The following MKX variants were observed in gnomAD, a reference collection of about 807,000 sequenced individuals.
MKX encodes mohawk homeobox.
MKX carries 13 observed loss-of-function variants against 36.0 expected under a neutral mutation model. That is an observed-to-expected ratio of 0.36 (90% CI 0.24 to 0.57). MKX has a LOEUF of 0.57. MKX is among the 20% of genes least tolerant of loss of function. MKX has a pLI of 0.79. For synonymous variants in MKX, 176 were observed against 178.3 expected (o/e 0.99, Z 0.10); for missense variants, 458 against 456.4 (o/e 1.00, Z -0.03).
chr10:27,686,488 C>T (rs1253862287), intron 5 of MKX, among the ~76,000 whole-genome samples: 5 of 151,974 alleles, frequency 3.3e-5, no homozygotes, highest in African/African-American at 4.8e-5. Context: ...AAAGTCTTTT[C>T]TTTCTTCTGA....
chr10:27,730,347 A>G (rs538342724), intron 5 of MKX, among the ~76,000 whole-genome samples: 3 of 152,256 alleles, frequency 2.0e-5, no homozygotes, highest in Admixed American at 6.5e-5. Context: ...AATATCTTCA[A>G]TTAGGATTAC....
At chr10:27,735,099 G>C (rs1834723975) in intron 4 of MKX, 122 bp downstream of exon 4, 2 of 871,518 alleles carry the variant, frequency 2.3e-6, no homozygotes, top group Non-Finnish European at 3.3e-6. Context: ...GTTACTTCAT[G>C]CAATAAAAAA....
intron 5 of MKX, among the ~76,000 whole-genome samples, chr10:27,727,469 A>G (rs552629343): frequency 1.3e-5 from 2 of 152,382 alleles, no homozygotes; most frequent in African/African-American, 4.8e-5. Flanking sequence ...TGAAGCCAGA[A>G]AGAAATGTAA....
At chr10:27,680,523 T>C (rs1056226195) in intron 5 of MKX, among the ~76,000 whole-genome samples, 5 of 152,130 alleles carry the variant, frequency 3.3e-5, no homozygotes, top group African/African-American at 4.8e-5. Flanking sequence ...TCAGTTCCAA[T>C]GCAACTTGAG....
At chr10:27,731,945 A>G (rs1437212207) in intron 5 of MKX, among the ~76,000 whole-genome samples, 1 of 152,202 alleles carries the variant, frequency 6.6e-6, no homozygotes, top group Non-Finnish European at 1.5e-5. Flanking sequence ...ATTTTAAAAT[A>G]AAAGATTACC....
chr10:27,717,672 T>A (rs1314104913), intron 5 of MKX, among the ~76,000 whole-genome samples: 2 of 152,198 alleles, frequency 1.3e-5, no homozygotes, highest in Non-Finnish European at 2.9e-5. Context: ...GAAAGCCTGG[T>A]GGAGGAGTAT....
chr10:27,676,741 G>A (rs181876709), intron 5 of MKX, among the ~76,000 whole-genome samples: 1 of 152,276 alleles, frequency 6.6e-6, no homozygotes, highest in Admixed American at 6.5e-5. Flanking sequence ...TAGCAAATGA[G>A]TAACGGACCC....
chr10:27,710,690 GCT>G (rs1444070895), intron 5 of MKX, among the ~76,000 whole-genome samples: 1 of 152,054 alleles, frequency 6.6e-6, no homozygotes. Flanking sequence ...ATAAAGTCTT[GCT>G]CTGTCACCCA....
intron 5 of MKX, among the ~76,000 whole-genome samples, chr10:27,721,689 A>T (rs1834383608): frequency 6.6e-6 from 1 of 152,156 alleles, no homozygotes; most frequent in Admixed American, 6.5e-5. Flanking sequence ...CTTAATACCT[A>T]GGTGAGGGGT....
intron 5 of MKX, among the ~76,000 whole-genome samples, chr10:27,684,809 CG>C (rs919874574): frequency 6.6e-6 from 1 of 152,146 alleles, no homozygotes; most frequent in Admixed American, 6.5e-5. Flanking sequence ...GACCGGGGAG[CG>C]GGGGGTTTGA....
Position 27,710,849 on chromosome 10 carries a change from G to A in MKX, c.838+23607C>T, listed in dbSNP as rs1241920046. Among the ~76,000 whole-genome samples, 30 of 152,018 alleles carry A rather than the reference G, an allele frequency of 2.0e-4. 1 individual carries two copies. Among genetic ancestry groups the A allele is most frequent in the Non-Finnish European group, 2.9e-5 (2 of 67,994 alleles). Reference sequence around the variant, plus strand: ...AATTTTTGTATTTTTAGTAGAGATGGGGTTTCACCATGTTGGCCAGGCTGG... The same window carrying A: ...AATTTTTGTATTTTTAGTAGAGATGAGGTTTCACCATGTTGGCCAGGCTGG... On this transcript the variant is annotated intron_variant, in intron 5 of 6. Transcript: ENST00000419761.
intron 5 of MKX, among the ~76,000 whole-genome samples, chr10:27,676,508 G>T (rs994034667): frequency 6.6e-6 from 1 of 151,390 alleles, no homozygotes; most frequent in Non-Finnish European, 1.5e-5. Flanking sequence ...CTCCTAAGTA[G>T]CTGGGATTAC....
At chr10:27,712,798 G>T (rs1208199772) in intron 5 of MKX, among the ~76,000 whole-genome samples, 1 of 152,140 alleles carries the variant, frequency 6.6e-6, no homozygotes, top group Non-Finnish European at 1.5e-5. Flanking sequence ...TTAGCAAGGT[G>T]CAGTGGTGAG....
intron 5 of MKX, among the ~76,000 whole-genome samples, chr10:27,710,355 C>T (rs575939786): frequency 1.1e-4 from 16 of 152,196 alleles, no homozygotes; most frequent in Non-Finnish European, 2.9e-5. Flanking sequence ...AAAGTAACTT[C>T]TTATTCTGGA....
intron 5 of MKX, among the ~76,000 whole-genome samples, chr10:27,686,609 T>C (rs2132502590): frequency 6.6e-6 from 1 of 152,154 alleles, no homozygotes; most frequent in African/African-American, 2.4e-5. Context: ...CCTGAGTAGC[T>C]GGGATTACAG....
chr10:27,742,830 C>G lies in MKX; in HGVS notation c.188+398G>C, dbSNP rs926262288. Among the ~76,000 whole-genome samples the G allele has an allele frequency of 3.3e-5, 5 of 152,096 alleles. No individual in the cohort carries two copies. The highest frequency in any genetic ancestry group is 4.8e-5 in the African/African-American group (2 of 41,444). On this transcript the variant is annotated intron_variant, in intron 2 of 6. Transcript: ENST00000419761. The surrounding 1 kb of genome is among the most constrained non-coding windows in gnomAD (Gnocchi z 4.2). ...CGAAGAGAAGTCCGCGGAGCCTGAGCCTGGACTCCCCGACTGCTCGGCTTC... is the reference window on the plus strand; with the variant it reads ...CGAAGAGAAGTCCGCGGAGCCTGAGGCTGGACTCCCCGACTGCTCGGCTTC...
Position 27,675,340 on chromosome 10 carries a change from AT to A in MKX, c.947del (p.Asn316IlefsTer23). 1 of 1,614,156 alleles carries A rather than the reference AT, an allele frequency of 6.2e-7. No homozygotes were observed. Among genetic ancestry groups the A allele is most frequent in the Non-Finnish European group, 8.5e-7 (1 of 1,180,032 alleles). The stretch of plus-strand genomic sequence containing the variant: ...GCAGTTTGTCCTTTCCCTGTGCAAG[AT>A]TTGTTAAGGCCATAGCTGCGTTGAT... ...KEINAAMALT[N>X]LAQGKDKLQG... On this transcript the variant is annotated frameshift_variant, in exon 7 of 7. Transcript: ENST00000419761. LOFTEE classifies it high-confidence loss of function.
intron 5 of MKX, chr10:27,718,453 A>C (rs1269119101): frequency 4.3e-6 from 1 of 234,126 alleles, no homozygotes; most frequent in East Asian, 9.9e-5. Context: ...TAAAAAAGCA[A>C]TATGAAGCAT....
chr10:27,710,514 C>T (rs1836832504), intron 5 of MKX, among the ~76,000 whole-genome samples: 1 of 152,184 alleles, frequency 6.6e-6, no homozygotes, highest in African/African-American at 2.4e-5. Flanking sequence ...GAAGGGACTC[C>T]TCCTCTGGGG....
Sources: gnomAD v4.1 joint callset for allele counts (sites outside exome capture counted in the v4.1 genomes callset) on GRCh38, gnomAD v4.1.1 for gene constraint, Gnocchi (gnomAD v3.1) non-coding constraint, MANE v1.5 for transcripts, NCBI Gene and HGNC (gene_info 2026-07-23, HGNC 2026-07-21) for gene names.